The following RRBP1 variants were observed in gnomAD, a reference collection of about 807,000 sequenced individuals.
The protein encoded by RRBP1 is ribosome binding protein 1.
Under a neutral mutation model 165.2 loss-of-function variants are expected in RRBP1, and 94 were observed. The observed-to-expected ratio is 0.57, with a 90% CI of 0.48 to 0.68. The LOEUF is 0.68. Ranked by LOEUF, RRBP1 falls within the 30% of genes least tolerant of loss-of-function variation. The pLI is 0.00. For missense variants in RRBP1, 1,676 were observed against 1,763.0 expected, an observed-to-expected ratio of 0.95 and a Z score of 0.88; for synonymous variants, 680 against 714.5, an observed-to-expected ratio of 0.95 and a Z score of 0.77.
At chr20:17,640,083 G>A (rs2036323633) in intron 5 of RRBP1, among the ~76,000 whole-genome samples, 1 of 152,148 alleles carries the variant, frequency 6.6e-6, no homozygotes, top group Non-Finnish European at 1.5e-5. Context: ...AGGTGGCCTG[G>A]CCCTCTCAGT....
chr20:17,620,394 G>C, intron 17 of RRBP1, 24 bp from the exon 18 acceptor site: 2 of 1,599,816 alleles, frequency 1.3e-6, no homozygotes, highest in South Asian at 2.2e-5. Flanking sequence ...GGAAGGCTCC[G>C]TCAGACACGA....
In RRBP1 at chr20:17,620,763, C is replaced by T; in HGVS notation, c.3459G>A (p.Glu1153=). ...CGCCCACCTTGGCCCTCCACACCTG[C>T]TCCTCCTCCTCCACGCTCTTCTGCA... ...RDLQKSVEEE[E]QVWRAKVGAA... Residue 1153 remains glutamate, a synonymous_variant, in exon 17 of 25, where the codon GAG becomes GAA. Coordinates refer to ENST00000377813, the MANE Select transcript of RRBP1 (RefSeq NM_001365613.2). 1 of 1,608,296 alleles carries T rather than the reference C, an allele frequency of 6.2e-7. No individual in the cohort carries two copies.
chr20:17,670,038 T>C (rs1340160849), intron 2 of RRBP1, among the ~76,000 whole-genome samples: 1 of 152,156 alleles, frequency 6.6e-6, no homozygotes, highest in Non-Finnish European at 1.5e-5. Flanking sequence ...GTGTCTCTCT[T>C]TAGTGTGAGA....
At chr20:17,630,067 G>T in intron 8 of RRBP1, 106 bp from the exon 9 acceptor site, 2 of 1,270,442 alleles carry the variant, frequency 1.6e-6, no homozygotes, top group Non-Finnish European at 2.2e-6. Context: ...AAAGCCCCGT[G>T]CAGTCTCTGG....
At chr20:17,676,114 C>G (rs1239271334) in intron 2 of RRBP1, among the ~76,000 whole-genome samples, 1 of 152,194 alleles carries the variant, frequency 6.6e-6, no homozygotes, top group East Asian at 1.9e-4. Flanking sequence ...GAGGCTGAGG[C>G]AGGAGGATTA....
rs534343780 is a variant in RRBP1 at position 17,658,769 on chromosome 20, G to T, written c.1739C>A (p.Ala580Glu). The T allele has an allele frequency of 1.2e-6, 2 of 1,613,926 alleles. No homozygotes were observed. The highest frequency in any genetic ancestry group is 2.2e-5 in the South Asian group (2 of 91,074). ...TTTGCCTTGGTTGGGGGACCCTTCT[G>T]CCTTTTTGCCTTCACTGGGGGACCC... ...AEGSPSEGKK[A>E]EGSPNQGKKA... Residue 580 changes from alanine to glutamate, a missense_variant, in exon 3 of 25, where the codon GCA (alanine) becomes GAA (glutamate). Transcript: ENST00000377813.
intron 2 of RRBP1, among the ~76,000 whole-genome samples, chr20:17,676,898 C>T (rs2037092778): frequency 1.3e-5 from 2 of 152,120 alleles, no homozygotes; most frequent in African/African-American, 4.8e-5. Context: ...CAGGCACATG[C>T]CACCATGCCT....
intron 2 of RRBP1, among the ~76,000 whole-genome samples, chr20:17,676,283 C>T (rs938281612): frequency 3.3e-5 from 5 of 152,152 alleles, no homozygotes; most frequent in Admixed American, 3.3e-4. Flanking sequence ...CACACTGGCT[C>T]TGTCTGGAAG....
chr20:17,628,114 C>T (rs536446218), intron 9 of RRBP1, among the ~76,000 whole-genome samples: 18 of 152,232 alleles, frequency 1.2e-4, no homozygotes, highest in South Asian at 4.1e-4. Flanking sequence ...TCTTCACAGT[C>T]GAGAAAGGCC....
chr20:17,651,494 TAC>T (rs1217716166), intron 3 of RRBP1, among the ~76,000 whole-genome samples: 5 of 152,204 alleles, frequency 3.3e-5, no homozygotes, highest in African/African-American at 7.2e-5. Context: ...TAAATTACAA[TAC>T]AGTCATGCTA....
chr20:17,620,657 C>G (rs763114361), intron 17 of RRBP1, 58 bp downstream of exon 17: 56 of 1,323,992 alleles, frequency 4.2e-5, no homozygotes, highest in Non-Finnish European at 5.9e-5. Flanking sequence ...ATCCTGTCAA[C>G]TCTCCCCTGG....
rs532763606 is a variant in RRBP1, at chr20:17,614,067, G to C, written c.*115C>G. 4.2e-6 allele frequency: 4 copies of C among 962,946 alleles called. No individual in the cohort carries two copies. The highest frequency in any genetic ancestry group is 2.0e-5 in the Admixed American group (1 of 51,142). The allele number at this position is 962,946 out of a possible 1,614,324, so 59.7% of individuals were successfully genotyped here. On this transcript the variant is annotated 3_prime_UTR_variant, in exon 25 of 25. Transcript: ENST00000377813. The stretch of plus-strand genomic sequence containing the variant: ...GACTTGTCTCTCATGGCTTCTCTCG[G>C]AGCTACCGGAAGTTGGGCCTGGATA...
At chr20:17,633,747 C>G in intron 7 of RRBP1, 134 bp from the exon 8 acceptor site, 2 of 838,962 alleles carry the variant, frequency 2.4e-6, no homozygotes, top group East Asian at 5.2e-5. Context: ...ACCAAAGCCA[C>G]TTTTCCATTA....
chr20:17,636,104 G>T (rs2036243170), intron 6 of RRBP1, among the ~76,000 whole-genome samples: 1 of 152,242 alleles, frequency 6.6e-6, no homozygotes, highest in African/African-American at 2.4e-5. Flanking sequence ...CTATGAGCAG[G>T]GTGCAGGCTT....
Position 17,621,470 on chromosome 20 carries a change from G to C in RRBP1, c.3402C>G (p.Ile1134Met). The change falls in exon 16 of 25, where the codon ATC (isoleucine) becomes ATG (methionine). Residue 1134 changes from isoleucine to methionine, a missense_variant. By Grantham distance (10) the Ile-to-Met change is conservative (BLOSUM62 1). Around this residue, in one of 5 missense-constraint regions of RRBP1, gnomAD observed 1,184 missense variants for 1,167.1 expected, o/e 1.01. Transcript: ENST00000377813. ...TCCCAATGCTCACCGTCTCCGCCAGGATGCTGCGGTACTGGTCACACTCGG... is the reference window on the plus strand; with the variant it reads ...TCCCAATGCTCACCGTCTCCGCCAGCATGCTGCGGTACTGGTCACACTCGG... Reference protein sequence around the residue: ...LQAECDQYRSILAETEGMLRD... With the variant: ...LQAECDQYRSMLAETEGMLRD... 6.2e-7 allele frequency: 1 copy of C among 1,612,108 alleles called. No individual in the cohort carries two copies. Among genetic ancestry groups the C allele is most frequent in the East Asian group, 2.2e-5 (1 of 44,878 alleles).
At chr20:17,631,512 C>G (rs563732718) in intron 8 of RRBP1, among the ~76,000 whole-genome samples, 17 of 152,388 alleles carry the variant, frequency 1.1e-4, no homozygotes, top group African/African-American at 4.1e-4. Flanking sequence ...CAGGTGACAA[C>G]TGTCTTTGCC....
At chr20:17,614,424 G>A (rs1008082312) in intron 24 of RRBP1, among the ~76,000 whole-genome samples, 1 of 152,188 alleles carries the variant, frequency 6.6e-6, no homozygotes, top group Non-Finnish European at 1.5e-5. Context: ...TCATCCTGCA[G>A]GGCAGGGGCT....
intron 9 of RRBP1, 94 bp from the exon 10 acceptor site, chr20:17,627,776 G>A (rs1439244377): frequency 1.6e-5 from 20 of 1,232,340 alleles, no homozygotes; most frequent in Non-Finnish European, 2.1e-5. Context: ...GCACATGTGG[G>A]GCACCGAGGG....
chr20:17,670,772 T>C (rs1367929088), intron 2 of RRBP1, among the ~76,000 whole-genome samples: 3 of 152,248 alleles, frequency 2.0e-5, no homozygotes, highest in African/African-American at 7.2e-5. Context: ...CTTTTCACTC[T>C]CACTGTTGAA....
Sources: allele counts gnomAD v4.1 joint callset (sites outside exome capture counted in the v4.1 genomes callset), GRCh38; gene constraint gnomAD v4.1.1; regional missense constraint gnomAD v4.1.1; transcripts MANE v1.5; gene names NCBI Gene and HGNC (gene_info 2026-07-23, HGNC 2026-07-21).